PTH2R: variants seen among roughly 807,000 people sequenced by gnomAD.
PTH2R encodes PTH2 receptor.
A neutral mutation model predicts 60.3 loss-of-function variants in PTH2R; 59 were observed. The observed-to-expected ratio is 0.98, with a 90% confidence interval of 0.79 to 1.22. The LOEUF (loss-of-function observed/expected upper bound fraction) is 1.22. Ranked by LOEUF, PTH2R falls within the 50% of genes most tolerant of loss-of-function variation. The probability of loss-of-function intolerance (pLI) is 0.00; values close to 1 mark genes in which losing one functional copy is unlikely to be tolerated. For synonymous variants in PTH2R, 256 were observed against 243.8 expected (o/e 1.05, Z -0.47); for missense variants, 749 against 682.6 (o/e 1.10, Z -1.08).
At chr2:208,394,635 G>C (rs1701172223) in intron 1 of PTH2R, among the ~76,000 whole-genome samples, 1 of 152,072 alleles carries the variant, frequency 6.6e-6, no homozygotes, top group South Asian at 2.1e-4. Context: ...TGTGACCTGT[G>C]TGCCTCCCTA....
chr2:208,462,760 T>G (rs1456139914), intron 9 of PTH2R, among the ~76,000 whole-genome samples: 1 of 152,206 alleles, frequency 6.6e-6, no homozygotes, highest in Admixed American at 6.5e-5. Context: ...GGGAAATTTA[T>G]TCATCACAGG....
chr2:208,477,745 C>A (rs570067076), intron 9 of PTH2R, among the ~76,000 whole-genome samples: 1 of 151,692 alleles, frequency 6.6e-6, no homozygotes, highest in Non-Finnish European at 1.5e-5. Flanking sequence ...AGCCATCTCT[C>A]TTTTTTTAAA....
intron 1 of PTH2R, among the ~76,000 whole-genome samples, chr2:208,363,767 A>G (rs1165723517): frequency 6.6e-6 from 1 of 152,180 alleles, no homozygotes; most frequent in Non-Finnish European, 1.5e-5. Context: ...TCTGATGATT[A>G]GTGATGTAGA....
At chr2:208,406,108 C>A (rs1701400281), upstream of PTH2R, among the ~76,000 whole-genome samples, 1 of 152,162 alleles carries the variant, frequency 6.6e-6, no homozygotes. Context: ...GTAATTTGCT[C>A]AGGGTTATGC....
intron 1 of PTH2R, among the ~76,000 whole-genome samples, chr2:208,408,740 A>AAGAGAG (rs56107941): frequency 2.4e-5 from 3 of 123,316 alleles, no homozygotes; most frequent in African/African-American, 1.2e-4. Flanking sequence ...GAGAGAGAGA[A>AAGAGAG]AGAGAGAGAG....
chr2:208,413,615 G>A lies in PTH2R; in HGVS notation c.75+6497G>A, dbSNP rs774797980. On this transcript the variant is annotated intron_variant, in intron 1 of 12. Coordinates refer to ENST00000272847, the MANE Select transcript of PTH2R (RefSeq NM_005048.4). ...TTTGAACATTTTTAACATATGGAAT[G>A]TAAAATATTGACTAAATGGAACATG... 2.6e-5 allele frequency among the ~76,000 whole-genome samples: 4 copies of A among 152,178 alleles called. 1 individual carries two copies. Among genetic ancestry groups the A allele is most frequent in the Non-Finnish European group, 5.9e-5 (4 of 68,034 alleles).
intron 1 of PTH2R, among the ~76,000 whole-genome samples, chr2:208,365,944 A>T (rs1183238140): frequency 6.6e-5 from 1 of 15,136 alleles, no homozygotes; most frequent in African/African-American, 1.7e-4. Flanking sequence ...ATATATATAT[A>T]TATATATATA....
At chr2:208,435,767 A>T (rs1702063177) in intron 2 of PTH2R, among the ~76,000 whole-genome samples, 1 of 152,222 alleles carries the variant, frequency 6.6e-6, no homozygotes, top group African/African-American at 2.4e-5. Context: ...TTTTGGCCTC[A>T]CGGGTCTACA....
chr2:208,440,434 A>G (rs1243163170), intron 4 of PTH2R, among the ~76,000 whole-genome samples: 1 of 152,214 alleles, frequency 6.6e-6, no homozygotes, highest in Non-Finnish European at 1.5e-5. Flanking sequence ...AATAATAAGT[A>G]ATTAATATTT....
chr2:208,449,706 C>G (rs1482810028), intron 7 of PTH2R, among the ~76,000 whole-genome samples: 1 of 152,102 alleles, frequency 6.6e-6, no homozygotes, highest in Non-Finnish European at 1.5e-5. Context: ...TCATTTTCAT[C>G]TTTTTCTGAA....
At chr2:208,467,143 C>A (rs191208301) in intron 9 of PTH2R, among the ~76,000 whole-genome samples, 2 of 152,066 alleles carry the variant, frequency 1.3e-5, no homozygotes. Context: ...CCTTAAATTT[C>A]GGGTTAATTG....
intron 1 of PTH2R, among the ~76,000 whole-genome samples, chr2:208,382,726 A>G (rs747275740): frequency 3.3e-5 from 5 of 152,232 alleles, no homozygotes; most frequent in African/African-American, 4.8e-5. Context: ...AAGCTAAGCT[A>G]TTCCAGGGAA....
intron 1 of PTH2R, among the ~76,000 whole-genome samples, chr2:208,374,616 C>T (rs1700759688): frequency 6.6e-6 from 1 of 152,054 alleles, no homozygotes; most frequent in African/African-American, 2.4e-5. Context: ...GATTCTCCTG[C>T]CTCAGCCTCC....
upstream of PTH2R, among the ~76,000 whole-genome samples, chr2:208,402,677 T>C (rs1367483417): frequency 1.3e-5 from 2 of 152,252 alleles, no homozygotes; most frequent in African/African-American, 4.8e-5. Flanking sequence ...TGGGAGCATA[T>C]GCCTTCGTGT....
chr2:208,393,023 G>T (rs1701137093), intron 1 of PTH2R, among the ~76,000 whole-genome samples: 1 of 152,190 alleles, frequency 6.6e-6, no homozygotes, highest in African/African-American at 2.4e-5. Flanking sequence ...AAATGCCCTG[G>T]CTGGCCACAT....
intron 1 of PTH2R, among the ~76,000 whole-genome samples, chr2:208,389,955 G>C (rs929595394): frequency 6.6e-6 from 1 of 152,100 alleles, no homozygotes; most frequent in Non-Finnish European, 1.5e-5. Flanking sequence ...AGTTCCATGA[G>C]GGAGCATGTT....
At chr2:208,481,685 G>A (rs1418116924) in intron 10 of PTH2R, among the ~76,000 whole-genome samples, 2 of 152,154 alleles carry the variant, frequency 1.3e-5, no homozygotes, top group Non-Finnish European at 2.9e-5. Context: ...TATATTTTAA[G>A]ATCTGTTTTT....
chr2:208,395,473 C>T, intron 1 of PTH2R, among the ~76,000 whole-genome samples: 1 of 152,166 alleles, frequency 6.6e-6, no homozygotes, highest in East Asian at 1.9e-4. Context: ...TGCTCACCAG[C>T]GGTGTGGTAG....
At chr2:208,410,968 G>A (rs1215747950) in intron 1 of PTH2R, among the ~76,000 whole-genome samples, 2 of 152,180 alleles carry the variant, frequency 1.3e-5, no homozygotes, top group East Asian at 1.9e-4. Flanking sequence ...GAGGACAGCC[G>A]GGCACAATGG....
Sources: allele counts gnomAD v4.1 joint callset (sites outside exome capture counted in the v4.1 genomes callset), GRCh38; gene constraint gnomAD v4.1.1; transcripts MANE v1.5; gene names NCBI Gene and HGNC (gene_info 2026-07-23, HGNC 2026-07-21).